Variants in CREB5 observed in about 807,000 individuals in gnomAD.
CREB5 encodes the protein cyclic AMP-responsive element-binding protein 5.
A neutral mutation model predicts 57.1 loss-of-function variants in CREB5; 19 were observed. That is an observed-to-expected ratio of 0.33 (90% CI 0.23 to 0.49). The LOEUF (loss-of-function observed/expected upper bound fraction) is 0.49, where lower values mean the gene tolerates loss of function less well. Among genes scored for constraint, CREB5 ranks in the 20% least tolerant of loss-of-function variants. The pLI is 0.99. For missense variants in CREB5, 579 were observed against 671.6 expected (o/e 0.86, Z 1.52); for synonymous variants, 238 against 238.3 (o/e 1.00, Z 0.01).
chr7:28,476,643 A>G (rs552066842), intron 1 of CREB5, among the ~76,000 whole-genome samples: 9 of 152,350 alleles, frequency 5.9e-5, no homozygotes, highest in African/African-American at 2.2e-4. Context: ...TCACGATATT[A>G]GGTTTACCAT....
At chr7:28,802,821 G>A (rs1808452054) in intron 7 of CREB5, among the ~76,000 whole-genome samples, 1 of 152,252 alleles carries the variant, frequency 6.6e-6, no homozygotes, top group Admixed American at 6.5e-5. Context: ...TCCAGTGTAT[G>A]AGCTAAGAAT....
At chr7:28,694,463 C>T (rs1362460422) in intron 5 of CREB5, among the ~76,000 whole-genome samples, 4 of 152,084 alleles carry the variant, frequency 2.6e-5, no homozygotes, top group South Asian at 2.1e-4. Flanking sequence ...CTCCCTGTGA[C>T]GTGTACAGGT....
At chr7:28,533,466 G>A (rs886281219) in intron 4 of CREB5, among the ~76,000 whole-genome samples, 8 of 152,190 alleles carry the variant, frequency 5.3e-5, no homozygotes, top group Non-Finnish European at 1.0e-4. Context: ...CCTGTCGTGC[G>A]TACCTGCACT....
chr7:28,671,124 A>G (rs1474831475), intron 5 of CREB5, among the ~76,000 whole-genome samples: 1 of 151,966 alleles, frequency 6.6e-6, no homozygotes, highest in Non-Finnish European at 1.5e-5. Context: ...AATGAGCAGG[A>G]CAGGCCTGTA....
At chr7:28,452,898 C>A (rs1192498235) in intron 1 of CREB5, among the ~76,000 whole-genome samples, 1 of 152,150 alleles carries the variant, frequency 6.6e-6, no homozygotes, top group African/African-American at 2.4e-5. Flanking sequence ...ATGGGGAAAG[C>A]AGTACAGTGT....
chr7:28,367,230 A>C (rs1786605993), intron 1 of CREB5, among the ~76,000 whole-genome samples: 1 of 152,112 alleles, frequency 6.6e-6, no homozygotes, highest in Admixed American at 6.5e-5. Flanking sequence ...TGCTTCAACT[A>C]CTGGCCATAG....
At chr7:28,801,015 A>G (rs1362428407) in intron 7 of CREB5, among the ~76,000 whole-genome samples, 1 of 152,232 alleles carries the variant, frequency 6.6e-6, no homozygotes, top group African/African-American at 2.4e-5. Context: ...TGATACTTGT[A>G]AAACATATAG....
chr7:28,413,015 T>A, intron 1 of CREB5, 98 bp downstream of exon 1: 1 of 1,182,600 alleles, frequency 8.5e-7, no homozygotes, highest in Non-Finnish European at 1.1e-6. Context: ...AATTCAGAAA[T>A]GGAGTTTAGA....
intron 5 of CREB5, among the ~76,000 whole-genome samples, chr7:28,586,280 G>T (rs1583668197): frequency 6.6e-6 from 1 of 152,204 alleles, no homozygotes; most frequent in Non-Finnish European, 1.5e-5. Flanking sequence ...GAGTGTGGTG[G>T]CTGCCACGAC....
chr7:28,484,670 A>C (rs1244971424), intron 1 of CREB5, among the ~76,000 whole-genome samples: 1 of 152,208 alleles, frequency 6.6e-6, no homozygotes, highest in Non-Finnish European at 1.5e-5. Flanking sequence ...TAATACATTG[A>C]TACAGACTCA....
chr7:28,321,308 C>A (rs1394324554), intron 1 of CREB5, among the ~76,000 whole-genome samples: 1 of 151,966 alleles, frequency 6.6e-6, no homozygotes, highest in African/African-American at 2.4e-5. Flanking sequence ...TCTTTATTAG[C>A]ATGATTGTAC....
intron 3 of CREB5, among the ~76,000 whole-genome samples, chr7:28,498,212 T>C (rs1313031085): frequency 6.6e-6 from 1 of 152,210 alleles, no homozygotes; most frequent in Non-Finnish European, 1.5e-5. Context: ...TGACTTGTAA[T>C]ATAGTAGCAA....
At chr7:28,351,404 A>T (rs965070363) in intron 1 of CREB5, among the ~76,000 whole-genome samples, 3 of 152,198 alleles carry the variant, frequency 2.0e-5, no homozygotes, top group African/African-American at 4.8e-5. Flanking sequence ...TACGTGAAGG[A>T]GGAAGAAAGA....
rs1787344245 is a variant in CREB5 at position 28,396,738 on chromosome 7, G to T, written c.-25+97297G>T. The stretch of plus-strand genomic sequence containing the variant: ...TAAAACAGGACTATAACTCTTGGCT[G>T]CTATTACTTCATTTTTATTCTGGCA... On this transcript the variant is annotated intron_variant, in intron 1 of 9. Transcript: ENST00000396299. Among the ~76,000 whole-genome samples, 3 of 152,206 alleles carry T rather than the reference G, an allele frequency of 2.0e-5. No individual in the cohort carries two copies. In the South Asian group the frequency reaches 6.2e-4, roughly 32 times the overall value.
rs1231325708 is a variant in CREB5 at position 28,440,140 on chromosome 7, GACA to G, written c.3+27224_3+27226del. 2.0e-5 allele frequency among the ~76,000 whole-genome samples: 3 copies of G among 152,298 alleles called. No homozygotes were observed. In the East Asian group the frequency reaches 5.8e-4, roughly 29 times the overall value. ...GAACTCTCAGTTGTCCTCTCCACGT[GACA>G]GTAAATTATTGCCAAATCTTGCAAA... On this transcript the variant is annotated intron_variant, in intron 1 of 10. Transcript: ENST00000357727.
intron 3 of CREB5, among the ~76,000 whole-genome samples, chr7:28,500,627 A>G (rs755753613): frequency 9.9e-5 from 15 of 152,198 alleles, no homozygotes; most frequent in Non-Finnish European, 1.6e-4. Context: ...TCAGGGAAGT[A>G]AAACATTTGT....
chr7:28,552,015 C>CTCTCTCTCTTTCTCTCTTT (rs1794687332), intron 4 of CREB5, among the ~76,000 whole-genome samples: 5 of 128,164 alleles, frequency 3.9e-5, no homozygotes, highest in African/African-American at 1.5e-4. Flanking sequence ...TCTCTCTTTT[C>CTCTCTCTCTTTCTCTCTTT]TCTCTCTCTT....
intron 5 of CREB5, among the ~76,000 whole-genome samples, chr7:28,707,044 C>T (rs1207519063): frequency 6.6e-6 from 1 of 152,012 alleles, no homozygotes; most frequent in East Asian, 1.9e-4. Flanking sequence ...CTGGTACCTG[C>T]TGTAAGGGGT....
intron 5 of CREB5, among the ~76,000 whole-genome samples, chr7:28,623,036 C>T (rs1323332001): frequency 6.6e-6 from 1 of 152,112 alleles, no homozygotes; most frequent in East Asian, 1.9e-4. Flanking sequence ...GCACCCACCA[C>T]CATGCCCGGC....
Sources: gnomAD v4.1 joint callset for allele counts (sites outside exome capture counted in the v4.1 genomes callset) on GRCh38, gnomAD v4.1.1 for gene constraint, MANE v1.5 for transcripts, NCBI Gene and HGNC (gene_info 2026-07-23, HGNC 2026-07-21) for gene names.